GABBR2: variants seen among roughly 807,000 people sequenced by gnomAD.
GABBR2 encodes G-protein coupled receptor 51.
Under a neutral mutation model 105.6 loss-of-function variants are expected in GABBR2, and 23 were observed. The ratio of observed to expected loss-of-function variants is 0.22; its 90% CI spans 0.16 to 0.31. GABBR2 has a LOEUF of 0.31. GABBR2 is among the 10% of genes least tolerant of loss of function. The pLI is 1.00. For synonymous variants in GABBR2, 478 were observed against 499.7 expected, an observed-to-expected ratio of 0.96 and a Z score of 0.58; for missense variants, 734 against 1,245.5, an observed-to-expected ratio of 0.59 and a Z score of 6.18.
intron 9 of GABBR2, among the ~76,000 whole-genome samples, chr9:98,392,304 T>C (rs1313586345): frequency 1.3e-5 from 2 of 152,218 alleles, no homozygotes; most frequent in African/African-American, 4.8e-5. Context: ...GTTTGGCGCT[T>C]GAATCTTTTC....
At chr9:98,660,067 C>T (rs1830238519) in intron 1 of GABBR2, among the ~76,000 whole-genome samples, 1 of 152,160 alleles carries the variant, frequency 6.6e-6, no homozygotes, top group African/African-American at 2.4e-5. Context: ...ATAATTCCCT[C>T]ATATTTTTCT....
chr9:98,683,758 C>G (rs1421349140), intron 1 of GABBR2, among the ~76,000 whole-genome samples: 1 of 151,890 alleles, frequency 6.6e-6, no homozygotes, highest in African/African-American at 2.4e-5. Flanking sequence ...GCCTGTAATC[C>G]TAGCACTTTG....
At chr9:98,617,209 C>T (rs1020230236) in intron 1 of GABBR2, among the ~76,000 whole-genome samples, 2 of 152,194 alleles carry the variant, frequency 1.3e-5, no homozygotes, top group African/African-American at 2.4e-5. Flanking sequence ...AACTATGCCA[C>T]AAACTAAACA....
At chr9:98,382,459 G>A (rs994040926) in intron 11 of GABBR2, among the ~76,000 whole-genome samples, 12 of 152,064 alleles carry the variant, frequency 7.9e-5, no homozygotes, top group African/African-American at 2.4e-4. Context: ...GACTACAGGC[G>A]CCCGCCACCT....
chr9:98,622,493 A>G (rs1442717380), intron 1 of GABBR2, among the ~76,000 whole-genome samples: 2 of 146,012 alleles, frequency 1.4e-5, no homozygotes, highest in African/African-American at 5.1e-5. Context: ...AAAGAAGGAA[A>G]GCAATAAATG....
At chr9:98,401,214 A>C (rs1832389585) in intron 8 of GABBR2, among the ~76,000 whole-genome samples, 1 of 152,130 alleles carries the variant, frequency 6.6e-6, no homozygotes, top group South Asian at 2.1e-4. Flanking sequence ...CTTATTTTTA[A>C]CTGAAATGAA....
chr9:98,585,266 A>G (rs2131788324), intron 1 of GABBR2, among the ~76,000 whole-genome samples: 1 of 152,150 alleles, frequency 6.6e-6, no homozygotes, highest in Admixed American at 6.5e-5. Flanking sequence ...GATAGACTGG[A>G]TTAAGAAAAT....
chr9:98,689,581 A>G (rs1246482019), intron 1 of GABBR2, among the ~76,000 whole-genome samples: 1 of 152,172 alleles, frequency 6.6e-6, no homozygotes, highest in Non-Finnish European at 1.5e-5. Flanking sequence ...AGGATCTTGT[A>G]CAGCTCCAAA....
At chr9:98,583,281 C>T (rs1028989842) in intron 1 of GABBR2, among the ~76,000 whole-genome samples, 1 of 152,244 alleles carries the variant, frequency 6.6e-6, no homozygotes, top group African/African-American at 2.4e-5. Flanking sequence ...TGACATGATT[C>T]GCGTCCCAAA....
chr9:98,473,430 G>A, intron 5 of GABBR2, 84 bp from the exon 6 acceptor site: 1 of 834,716 alleles, frequency 1.2e-6, no homozygotes, highest in South Asian at 1.5e-5. Flanking sequence ...GGGGAGGAAG[G>A]CTTCCTCTTC....
chr9:98,384,752 C>T (rs1175519130), intron 11 of GABBR2, among the ~76,000 whole-genome samples: 1 of 152,158 alleles, frequency 6.6e-6, no homozygotes, highest in Non-Finnish European at 1.5e-5. Flanking sequence ...AGGGATGATA[C>T]AGCCCCCTTG....
chr9:98,596,684 A>C (rs1829240077), intron 1 of GABBR2, among the ~76,000 whole-genome samples: 1 of 152,190 alleles, frequency 6.6e-6, no homozygotes, highest in Non-Finnish European at 1.5e-5. Flanking sequence ...ATCTGTTGAC[A>C]TGACAACCAG....
rs115733867 is a variant in GABBR2 at position 98,409,787 on chromosome 9, G to A, written c.1237-3646C>T. Reference sequence around the variant, plus strand: ...CCTGGGATTGGCTGAGCTCATGATTGCCACTGCATCACATTTTGACTTCTC... The same window carrying A: ...CCTGGGATTGGCTGAGCTCATGATTACCACTGCATCACATTTTGACTTCTC... On this transcript the variant is annotated intron_variant, in intron 7 of 18. Coordinates refer to ENST00000259455, the MANE Select transcript of GABBR2 (RefSeq NM_005458.8). Among the ~76,000 whole-genome samples, 809 of 152,284 alleles carry A rather than the reference G, an allele frequency of 5.3e-3. 7 individuals are homozygous for A. Among genetic ancestry groups the A allele is most frequent in the African/African-American group, 0.018 (755 of 41,560 alleles).
rs140252721 is a variant in GABBR2 at position 98,369,255 on chromosome 9, C to T, written c.1770+2209G>A. Among the ~76,000 whole-genome samples, 714 of 152,318 alleles carry T rather than the reference C, an allele frequency of 4.7e-3. 2 individuals carry two copies. The highest frequency in any genetic ancestry group is 6.8e-3 in the Admixed American group (104 of 15,302). On this transcript the variant is annotated intron_variant, in intron 12 of 18. Transcript: ENST00000259455. ...AGGGACAGGGTGGCAGAGCAGGGCC[C>T]CTTCCCCACTCTAAATGCAGCCTGT...
intron 13 of GABBR2, among the ~76,000 whole-genome samples, chr9:98,323,677 C>T (rs761450671): frequency 2.6e-5 from 4 of 152,220 alleles, no homozygotes; most frequent in Non-Finnish European, 5.9e-5. Context: ...GACCTCCCAG[C>T]CTAGACCTTG....
At chr9:98,664,638 A>T (rs1307986885) in intron 1 of GABBR2, among the ~76,000 whole-genome samples, 2 of 152,190 alleles carry the variant, frequency 1.3e-5, no homozygotes, top group Admixed American at 1.3e-4. Flanking sequence ...GCAGGACACC[A>T]TATTGGTCTT....
chr9:98,662,751 A>C (rs1291359783), intron 1 of GABBR2, among the ~76,000 whole-genome samples: 1 of 152,172 alleles, frequency 6.6e-6, no homozygotes, highest in Non-Finnish European at 1.5e-5. Flanking sequence ...AACACAGGCT[A>C]GGGTGTCACC....
chr9:98,433,160 C>T (rs772639680), intron 7 of GABBR2, among the ~76,000 whole-genome samples: 25 of 152,184 alleles, frequency 1.6e-4, no homozygotes, highest in Non-Finnish European at 2.5e-4. Flanking sequence ...ATTTTGTGTA[C>T]GCTGTGTAAA....
chr9:98,620,243 C>CTCTT (rs1554721656), intron 1 of GABBR2, among the ~76,000 whole-genome samples: 2 of 61,602 alleles, frequency 3.2e-5, no homozygotes, highest in East Asian at 6.5e-4. Context: ...AATATTTTCT[C>CTCTT]TCTTTCTCTC....
Sources: allele counts gnomAD v4.1 joint callset (sites outside exome capture counted in the v4.1 genomes callset), GRCh38; gene constraint gnomAD v4.1.1; transcripts MANE v1.5; gene names NCBI Gene and HGNC (gene_info 2026-07-23, HGNC 2026-07-21).